CLVS1: variants seen among roughly 807,000 people sequenced by gnomAD.
CLVS1 encodes the protein clavesin-1.
In CLVS1, 10 loss-of-function variants were observed where a neutral mutation model predicts 33.1. That is an observed-to-expected ratio of 0.30 (90% CI 0.19 to 0.51). The LOEUF is 0.51. Among genes scored for constraint, CLVS1 ranks in the 20% least tolerant of loss-of-function variants. The probability of loss-of-function intolerance (pLI) is 0.97; values close to 1 mark genes in which losing one functional copy is unlikely to be tolerated. For missense variants in CLVS1, 343 were observed against 433.4 expected, an observed-to-expected ratio of 0.79 and a Z score of 1.85; for synonymous variants, 163 against 166.1, an observed-to-expected ratio of 0.98 and a Z score of 0.14.
At chr8:61,484,252 A>G (rs536890458) in intron 5 of CLVS1, among the ~76,000 whole-genome samples, 1 of 152,344 alleles carries the variant, frequency 6.6e-6, no homozygotes, top group South Asian at 2.1e-4. Flanking sequence ...AAGTCTCAGG[A>G]TACAAAATCA....
At chr8:61,247,681 G>C (rs1440730861) in intron 2 of CLVS1, among the ~76,000 whole-genome samples, 1 of 151,996 alleles carries the variant, frequency 6.6e-6, no homozygotes, top group African/African-American at 2.4e-5. Context: ...TTCCTTATAG[G>C]TGCTGGATAT....
chr8:61,347,055 C>G (rs182655238), intron 2 of CLVS1, among the ~76,000 whole-genome samples: 2 of 152,168 alleles, frequency 1.3e-5, no homozygotes, highest in Admixed American at 6.5e-5. Flanking sequence ...TGTTGTACAA[C>G]TAACTCTAAG....
intron 1 of CLVS1, among the ~76,000 whole-genome samples, chr8:61,070,876 G>A (rs535043593): frequency 1.3e-5 from 2 of 152,176 alleles, no homozygotes; most frequent in Non-Finnish European, 2.9e-5. Flanking sequence ...ACTTGAAGGA[G>A]CACCTATGAG....
intron 1 of CLVS1, among the ~76,000 whole-genome samples, chr8:61,298,454 C>G (rs190586977): frequency 6.6e-5 from 10 of 151,818 alleles, no homozygotes; most frequent in African/African-American, 2.2e-4. Flanking sequence ...TTTTTTATCT[C>G]CTCCGTATCC....
chr8:61,057,824 C>G lies in CLVS1; in HGVS notation c.-243+594C>G, dbSNP rs371062499. ...AGCCCTCTAGAGTTCTTTTATGATGCCTTTATATATTTCAGCCTTTCACCT... is the reference window on the plus strand; with the variant it reads ...AGCCCTCTAGAGTTCTTTTATGATGGCTTTATATATTTCAGCCTTTCACCT... On this transcript the variant is annotated intron_variant, in intron 1 of 2. Transcript: ENST00000522621. Among the ~76,000 whole-genome samples the G allele has an allele frequency of 2.9e-4, 44 of 152,222 alleles. No homozygotes were observed. The East Asian group carries it at 7.3e-3, about 25-fold the overall frequency.
At chr8:61,221,948 C>A (rs565076247) in intron 2 of CLVS1, among the ~76,000 whole-genome samples, 2 of 152,214 alleles carry the variant, frequency 1.3e-5, no homozygotes, top group Admixed American at 1.3e-4. Flanking sequence ...TCCATTTCTT[C>A]TAGGTTTTCT....
intron 2 of CLVS1, among the ~76,000 whole-genome samples, chr8:61,220,035 A>G (rs1248105423): frequency 1.3e-5 from 2 of 152,080 alleles, no homozygotes; most frequent in South Asian, 2.1e-4. Flanking sequence ...TTCCTTGTAA[A>G]TTCTGGATAT....
chr8:61,159,165 T>G lies in CLVS1; in HGVS notation c.-152+27305T>G, dbSNP rs938520164. On this transcript the variant is annotated intron_variant, in intron 2 of 2. Transcript: ENST00000522621. ...TGGGATTGATTACAGCGATGAGCCA[T>G]GCAATGGCTGAAAATGGATTTCTTT... 3.3e-5 allele frequency among the ~76,000 whole-genome samples: 5 copies of G among 152,246 alleles called. No individual in the cohort carries two copies. In the South Asian group the frequency reaches 1.0e-3, roughly 32 times the overall value.
intron 3 of CLVS1, among the ~76,000 whole-genome samples, chr8:61,403,980 G>GCTAC (rs1563538036): frequency 1.3e-5 from 2 of 152,230 alleles, no homozygotes; most frequent in Non-Finnish European, 2.9e-5. Flanking sequence ...ATGGTGTTGT[G>GCTAC]AGAGAATTCC....
chr8:61,191,002 G>T (rs1487080901), intron 2 of CLVS1, among the ~76,000 whole-genome samples: 1 of 152,094 alleles, frequency 6.6e-6, no homozygotes, highest in African/African-American at 2.4e-5. Flanking sequence ...GAAAAAGAGG[G>T]AATCCTCCCT....
At chr8:61,187,154 C>G (rs1563436560) in intron 2 of CLVS1, among the ~76,000 whole-genome samples, 1 of 151,944 alleles carries the variant, frequency 6.6e-6, no homozygotes, top group South Asian at 2.1e-4. Context: ...ACAGAAAAGA[C>G]TCTCATCCAT....
intron 1 of CLVS1, among the ~76,000 whole-genome samples, chr8:61,087,259 T>C (rs1038888771): frequency 6.6e-6 from 1 of 152,136 alleles, no homozygotes; most frequent in East Asian, 1.9e-4. Context: ...CCCTGTGCAG[T>C]GGACCACTGG....
the CLVS1 span, among the ~76,000 whole-genome samples, chr8:61,028,473 A>G: frequency 6.6e-6 from 1 of 152,246 alleles, no homozygotes; most frequent in African/African-American, 2.4e-5. Flanking sequence ...ATTAGCCACG[A>G]CAGGACATTT....
At chr8:61,365,497 A>G (rs1213911307) in intron 2 of CLVS1, among the ~76,000 whole-genome samples, 1 of 151,700 alleles carries the variant, frequency 6.6e-6, no homozygotes, top group Non-Finnish European at 1.5e-5. Context: ...ACTGCACTCC[A>G]GCCTAGGTGA....
intron 3 of CLVS1, among the ~76,000 whole-genome samples, chr8:61,386,240 G>A (rs1814078881): frequency 6.6e-6 from 1 of 152,196 alleles, no homozygotes. Flanking sequence ...AGTTTGGGGT[G>A]TGAGGGTAAG....
intron 1 of CLVS1, among the ~76,000 whole-genome samples, chr8:61,080,071 A>G (rs1054690143): frequency 1.3e-5 from 2 of 152,244 alleles, no homozygotes; most frequent in African/African-American, 4.8e-5. Flanking sequence ...ACTAAATTTT[A>G]TCTATGGAAA....
intron 2 of CLVS1, among the ~76,000 whole-genome samples, chr8:61,165,209 C>T (rs1167005967): frequency 8.5e-5 from 13 of 152,170 alleles, no homozygotes; most frequent in Admixed American, 2.6e-4. Flanking sequence ...CTGCTGGATC[C>T]GGAAGAATGG....
At chr8:61,184,837 G>T (rs1807311257) in intron 2 of CLVS1, among the ~76,000 whole-genome samples, 1 of 152,168 alleles carries the variant, frequency 6.6e-6, no homozygotes, top group Non-Finnish European at 1.5e-5. Flanking sequence ...TACTCAGAAA[G>T]AATGGTATTA....
At chr8:61,188,842 T>C (rs1020761285) in intron 2 of CLVS1, among the ~76,000 whole-genome samples, 9 of 152,070 alleles carry the variant, frequency 5.9e-5, no homozygotes, top group African/African-American at 2.2e-4. Context: ...TGCTTTAGAA[T>C]TTCCCTTTAA....
Sources: gnomAD v4.1 joint callset for allele counts (sites outside exome capture counted in the v4.1 genomes callset) on GRCh38, gnomAD v4.1.1 for gene constraint, MANE v1.5 for transcripts, NCBI Gene and HGNC (gene_info 2026-07-23, HGNC 2026-07-21) for gene names.